TAF12: variants seen among roughly 807,000 people sequenced by gnomAD.
TAF12 encodes the protein TATA-box binding protein associated factor 12.
Under a neutral mutation model 20.8 loss-of-function variants are expected in TAF12, and 3 were observed. That is an observed-to-expected ratio of 0.14 (90% CI 0.07 to 0.37). The LOEUF (loss-of-function observed/expected upper bound fraction) is 0.37. Among genes scored for constraint, TAF12 ranks in the 10% least tolerant of loss-of-function variants. The pLI is 1.00. For synonymous variants in TAF12, 69 were observed against 70.2 expected (o/e 0.98, Z 0.09); for missense variants, 131 against 197.9 (o/e 0.66, Z 2.03).
chr1:28,619,413 G>A (rs1027523534), intron 2 of TAF12, among the ~76,000 whole-genome samples: 1 of 148,394 alleles, frequency 6.7e-6, no homozygotes, highest in Non-Finnish European at 1.5e-5. Context: ...CAGGAGAATG[G>A]CGTGAACCCG....
At chr1:28,640,324 G>C (rs746119476) in intron 1 of TAF12, among the ~76,000 whole-genome samples, 10 of 152,202 alleles carry the variant, frequency 6.6e-5, no homozygotes, top group African/African-American at 1.2e-4. Context: ...TTGACATTTA[G>C]AGGAGCCTTA....
intron 4 of TAF12, among the ~76,000 whole-genome samples, chr1:28,611,947 T>G (rs1415749111): frequency 6.6e-6 from 1 of 152,172 alleles, no homozygotes; most frequent in East Asian, 1.9e-4. Flanking sequence ...CCACTGTTTT[T>G]GGGGTGGTCT....
At position 28,640,031 on chromosome 1, in the gene TAF12, C is replaced by T. The variant is rs954689713; in HGVS notation, c.-85+2961G>A. On this transcript the variant is annotated intron_variant, in intron 1 of 5. Transcript: ENST00000373824. Reference sequence around the variant, plus strand: ...CTAATTTTTGTATGTTTAGTAGAGACGGGGTTTTGCCATGTTGGCCAGGCG... The same window carrying T: ...CTAATTTTTGTATGTTTAGTAGAGATGGGGTTTTGCCATGTTGGCCAGGCG... Among the ~76,000 whole-genome samples the T allele has an allele frequency of 3.9e-5, 6 of 152,108 alleles. No individual in the cohort carries two copies. The East Asian group carries it at 9.6e-4, about 24-fold the overall frequency.
chr1:28,629,674 G>A (rs1667552545), intron 1 of TAF12, among the ~76,000 whole-genome samples: 1 of 151,964 alleles, frequency 6.6e-6, no homozygotes, highest in Non-Finnish European at 1.5e-5. Context: ...GATAGGTCTT[G>A]CTGTTGCCCA....
intron 1 of TAF12, among the ~76,000 whole-genome samples, chr1:28,630,152 C>G (rs1325046225): frequency 1.3e-5 from 2 of 152,078 alleles, no homozygotes; most frequent in Non-Finnish European, 2.9e-5. Flanking sequence ...CACCATGTTG[C>G]CCAGGCTGCT....
At chr1:28,618,137 T>C in intron 2 of TAF12, 107 bp from the exon 3 acceptor site, 2 of 1,029,772 alleles carry the variant, frequency 1.9e-6, no homozygotes, top group South Asian at 2.9e-5. Flanking sequence ...TAGTTTCCAC[T>C]TTCCAATGAG....
intron 1 of TAF12, 149 bp downstream of exon 1, chr1:28,642,843 C>T: frequency 3.0e-6 from 3 of 985,902 alleles, no homozygotes; most frequent in South Asian, 9.4e-5. Flanking sequence ...CGAGCCTGAT[C>T]CTCTCAGTCA....
At position 28,622,084 on chromosome 1, in the gene TAF12, T is replaced by C; in HGVS notation, c.-3A>G. ...GCTGAGGGGCCAAACTGGTTCATAA[T>C]CTGCCGAGCTTTGGACTTCAGCTCA... is the stretch of plus-strand genomic sequence containing the variant. On this transcript the variant is annotated 5_prime_UTR_variant, in exon 2 of 6. Coordinates refer to ENST00000373824, the MANE Select transcript of TAF12 (RefSeq NM_005644.4). 1 of 1,610,732 alleles carries C rather than the reference T, an allele frequency of 6.2e-7. No homozygotes were observed. Among genetic ancestry groups the C allele is most frequent in the East Asian group, 2.2e-5 (1 of 44,834 alleles).
chr1:28,603,476 G>C lies in TAF12; in HGVS notation c.*63C>G. ...AAAAAAAAAATCCAAGGATGAGATG[G>C]CTGAGTTCTCAGCTCAAGTATCTCC... On this transcript the variant is annotated 3_prime_UTR_variant, in exon 6 of 6. Transcript: ENST00000373824. 1 of 1,568,160 alleles carries C rather than the reference G, an allele frequency of 6.4e-7. No homozygotes were observed. Among genetic ancestry groups the C allele is most frequent in the African/African-American group, 1.4e-5 (1 of 73,812 alleles).
At chr1:28,628,398 A>G (rs1187235069) in intron 1 of TAF12, among the ~76,000 whole-genome samples, 3 of 152,012 alleles carry the variant, frequency 2.0e-5, no homozygotes, top group African/African-American at 7.2e-5. Flanking sequence ...CACAAAAAAA[A>G]CACATATTGT....
At chr1:28,638,468 C>A (rs1375070784) in intron 1 of TAF12, among the ~76,000 whole-genome samples, 1 of 147,214 alleles carries the variant, frequency 6.8e-6, no homozygotes, top group African/African-American at 2.5e-5. Context: ...GGATTACAGG[C>A]ATAAGCCACC....
intron 3 of TAF12, among the ~76,000 whole-genome samples, chr1:28,615,548 G>C (rs181915974): frequency 4.6e-5 from 7 of 151,660 alleles, no homozygotes; most frequent in African/African-American, 1.7e-4. Flanking sequence ...GTGTGGTGGC[G>C]TGTGCCTGTA....
At chr1:28,610,823 G>T (rs1308399464) in intron 4 of TAF12, among the ~76,000 whole-genome samples, 3 of 151,922 alleles carry the variant, frequency 2.0e-5, no homozygotes, top group Non-Finnish European at 4.4e-5. Context: ...AGCTGGGCAT[G>T]GTGGCGTGTG....
At chr1:28,642,535 G>T in intron 1 of TAF12, 1 of 644,758 alleles carries the variant, frequency 1.6e-6, no homozygotes, top group Non-Finnish European at 1.9e-6. Context: ...TTCTCTGTCT[G>T]CTTCTGCCCC....
At chr1:28,624,228 G>A (rs1367611191) in intron 1 of TAF12, among the ~76,000 whole-genome samples, 2 of 152,018 alleles carry the variant, frequency 1.3e-5, no homozygotes, top group African/African-American at 2.4e-5. Flanking sequence ...TGATGATTAT[G>A]GCACATATAG....
At chr1:28,607,093 T>C (rs928635135) in intron 4 of TAF12, among the ~76,000 whole-genome samples, 2 of 152,244 alleles carry the variant, frequency 1.3e-5, no homozygotes, top group Non-Finnish European at 2.9e-5. Flanking sequence ...GTAACTGGCA[T>C]AGGGGCATGG....
intron 5 of TAF12, 124 bp downstream of exon 5, chr1:28,605,248 C>G (rs1666627286): frequency 1.1e-6 from 1 of 947,744 alleles, no homozygotes; most frequent in African/African-American, 1.6e-5. Flanking sequence ...ACCCTTGCTC[C>G]AGAGAGTGAA....
intron 1 of TAF12, among the ~76,000 whole-genome samples, chr1:28,637,273 T>C (rs551486563): frequency 1.4e-4 from 22 of 151,758 alleles, no homozygotes; most frequent in African/African-American, 5.1e-4. Flanking sequence ...AGAGTTTTGC[T>C]CTGTCACCCA....
chr1:28,630,082 G>A (rs934410911), intron 1 of TAF12, among the ~76,000 whole-genome samples: 1 of 152,054 alleles, frequency 6.6e-6, no homozygotes, highest in African/African-American at 2.4e-5. Flanking sequence ...TGGAACTACA[G>A]GCATGCACCA....
Sources: gnomAD v4.1 joint callset for allele counts (sites outside exome capture counted in the v4.1 genomes callset) on GRCh38, gnomAD v4.1.1 for gene constraint, MANE v1.5 for transcripts, NCBI Gene and HGNC (gene_info 2026-07-23, HGNC 2026-07-21) for gene names.